Variants in XYLT1 observed in about 807,000 individuals in gnomAD.
XYLT1 encodes the protein xylosyltransferase 1, also known as beta-D-xylosyltransferase 1.
A neutral mutation model predicts 91.3 loss-of-function variants in XYLT1; 36 were observed. The ratio of observed to expected loss-of-function variants is 0.39; its 90% CI spans 0.30 to 0.52. XYLT1 has a LOEUF of 0.52. Among genes scored for constraint, XYLT1 ranks in the 20% least tolerant of loss-of-function variants. The pLI, the probability that XYLT1 is intolerant of heterozygous loss-of-function variation, is 0.68. For synonymous variants in XYLT1, 588 were observed against 532.0 expected (o/e 1.11, Z -1.45); for missense variants, 1,242 against 1,284.5 (o/e 0.97, Z 0.51).
chr16:17,185,171 G>A (rs936375293), intron 5 of XYLT1, among the ~76,000 whole-genome samples: 2 of 152,228 alleles, frequency 1.3e-5, no homozygotes, highest in Non-Finnish European at 2.9e-5. Context: ...GGAGACCCAG[G>A]ACAACTGGCA....
At position 17,245,723 on chromosome 16, in the gene XYLT1, G is replaced by A. The variant is rs555427169; in HGVS notation, c.913+13265C>T. The stretch of plus-strand genomic sequence containing the variant: ...TGTTAAAAATTGAATTCAATTCCAC[G>A]GGGTAATAAATTGTGACCTAAATCC... On this transcript the variant is annotated intron_variant, in intron 3 of 11. Transcript: ENST00000261381. Among the ~76,000 whole-genome samples the A allele has an allele frequency of 1.5e-4, 23 of 152,246 alleles. No individual in the cohort carries two copies. In the East Asian group the frequency reaches 3.9e-3, roughly 26 times the overall value.
At chr16:17,300,948 G>A (rs1434459877) in intron 2 of XYLT1, among the ~76,000 whole-genome samples, 1 of 152,102 alleles carries the variant, frequency 6.6e-6, no homozygotes, top group African/African-American at 2.4e-5. Flanking sequence ...CTCATTAGCT[G>A]TGCAACTCTG....
At chr16:17,286,370 C>T (rs1421599359) in intron 2 of XYLT1, among the ~76,000 whole-genome samples, 1 of 152,132 alleles carries the variant, frequency 6.6e-6, no homozygotes, top group Admixed American at 6.5e-5. Context: ...GAAATTAATA[C>T]ATCCAAGAAT....
At chr16:17,358,160 C>T (rs1325595339) in intron 1 of XYLT1, 110 bp from the exon 2 acceptor site, 12 of 1,124,166 alleles carry the variant, frequency 1.1e-5, no homozygotes, top group Admixed American at 2.6e-5. Context: ...GACAGGGTCT[C>T]GCTTTGTTGC....
intron 1 of XYLT1, among the ~76,000 whole-genome samples, chr16:17,421,860 C>T (rs746217344): frequency 6.6e-6 from 1 of 151,898 alleles, no homozygotes; most frequent in African/African-American, 2.4e-5. Flanking sequence ...TTTTTCAAGA[C>T]CGAGTCTCAC....
chr16:17,257,731 A>G (rs2033656220), intron 3 of XYLT1, among the ~76,000 whole-genome samples: 2 of 152,094 alleles, frequency 1.3e-5, no homozygotes, highest in Non-Finnish European at 1.5e-5. Flanking sequence ...AGGCCATGTG[A>G]CCTTGGGAGA....
intron 1 of XYLT1, among the ~76,000 whole-genome samples, chr16:17,377,175 T>TCACACACACACACACACACACACCCC (rs376242678): frequency 6.0e-5 from 9 of 150,932 alleles, no homozygotes; most frequent in African/African-American, 2.0e-4. Flanking sequence ...AGACTCTGCC[T>TCACACACACACACACACACACACCCC]CACACACACA....
At chr16:17,458,493 T>C (rs2036773752) in intron 1 of XYLT1, among the ~76,000 whole-genome samples, 1 of 152,116 alleles carries the variant, frequency 6.6e-6, no homozygotes, top group Admixed American at 6.5e-5. Context: ...AATGCAGACA[T>C]CAGAGAGGGC....
At chr16:17,358,115 C>T in intron 1 of XYLT1, 65 bp from the exon 2 acceptor site, 1 of 1,403,756 alleles carries the variant, frequency 7.1e-7, no homozygotes, top group African/African-American at 1.5e-5. Context: ...ACCCCAGCAT[C>T]TTTTTCTTTC....
chr16:17,383,770 G>A (rs934216783), intron 1 of XYLT1, among the ~76,000 whole-genome samples: 1 of 75,912 alleles, frequency 1.3e-5, no homozygotes, highest in Non-Finnish European at 3.7e-5. Flanking sequence ...TTTTTGAGAC[G>A]GAGTTTCACT....
rs2030634238 is a variant in XYLT1 at position 17,134,592 on chromosome 16, A to G, written c.1908T>C (p.Asp636=). The change falls in exon 9 of 12, where the codon GAT becomes GAC. Residue 636 remains aspartate (D), a synonymous_variant. Coordinates refer to ENST00000261381, the MANE Select transcript of XYLT1 (RefSeq NM_022166.4). ...TCAGGCTGTGGATGCCGTCAGGCTC[A>G]TCGTAGACATTCTCCCAGTAGGAGC... ...GLRSYWENVY[D]EPDGIHSLSD... is the part of the protein sequence containing the mutation. 1.9e-6 allele frequency: 3 copies of G among 1,614,182 alleles called. No homozygotes were observed. Among genetic ancestry groups the G allele is most frequent in the Non-Finnish European group, 2.5e-6 (3 of 1,180,034 alleles).
intron 8 of XYLT1, 22 bp downstream of exon 8, chr16:17,138,333 G>A (rs371507279): frequency 1.0e-4 from 166 of 1,600,126 alleles, no homozygotes; most frequent in Non-Finnish European, 1.4e-4. Flanking sequence ...TAGGAGGCTG[G>A]CAGACCATGA....
At chr16:17,347,960 G>A (rs953637161) in intron 2 of XYLT1, among the ~76,000 whole-genome samples, 1 of 152,198 alleles carries the variant, frequency 6.6e-6, no homozygotes, top group East Asian at 1.9e-4. Flanking sequence ...CCCCACAGCA[G>A]CTGTGGCCTT....
At chr16:17,357,944 G>C in intron 2 of XYLT1, 68 bp downstream of exon 2, 1 of 1,570,248 alleles carries the variant, frequency 6.4e-7, no homozygotes. Flanking sequence ...CAGAGCCACG[G>C]GACAAGTCCC....
intron 1 of XYLT1, among the ~76,000 whole-genome samples, chr16:17,365,068 G>A (rs2035433840): frequency 6.6e-6 from 1 of 152,180 alleles, no homozygotes; most frequent in Non-Finnish European, 1.5e-5. Flanking sequence ...TCGGATGCAT[G>A]CGTGAAACTC....
chr16:17,257,954 G>T (rs1313778153), intron 3 of XYLT1, among the ~76,000 whole-genome samples: 1 of 152,118 alleles, frequency 6.6e-6, no homozygotes, highest in East Asian at 1.9e-4. Flanking sequence ...ACACATCAAT[G>T]GCACGATTGC....
At chr16:17,267,337 T>A (rs1196086629) in intron 2 of XYLT1, among the ~76,000 whole-genome samples, 3 of 152,246 alleles carry the variant, frequency 2.0e-5, no homozygotes, top group Non-Finnish European at 4.4e-5. Context: ...GCTTGATACA[T>A]GTTAAGCACT....
chr16:17,427,497 C>A (rs2036334405), intron 1 of XYLT1, among the ~76,000 whole-genome samples: 1 of 152,188 alleles, frequency 6.6e-6, no homozygotes, highest in African/African-American at 2.4e-5. Flanking sequence ...TCACTGTGTT[C>A]TCCTTGCTGG....
chr16:17,133,201 G>C (rs1008955762), intron 9 of XYLT1, among the ~76,000 whole-genome samples: 14 of 151,982 alleles, frequency 9.2e-5, no homozygotes, highest in African/African-American at 3.4e-4. Context: ...CGGAAACCTT[G>C]CTGGCCAGGG....
Sources: allele counts gnomAD v4.1 joint callset (sites outside exome capture counted in the v4.1 genomes callset), GRCh38; gene constraint gnomAD v4.1.1; transcripts MANE v1.5; gene names NCBI Gene and HGNC (gene_info 2026-07-23, HGNC 2026-07-21).